Variants in ZBTB44 observed in about 807,000 individuals in gnomAD.
The protein encoded by ZBTB44 is zinc finger and BTB domain containing 44.
In ZBTB44, 15 loss-of-function variants were observed where a neutral mutation model predicts 54.0. The observed-to-expected ratio is 0.28, with a 90% confidence interval of 0.19 to 0.43. The LOEUF (loss-of-function observed/expected upper bound fraction) is 0.43. Ranked by LOEUF, ZBTB44 falls within the 20% of genes least tolerant of loss-of-function variation. ZBTB44 has a pLI of 1.00. For missense variants in ZBTB44, 487 were observed against 707.1 expected (o/e 0.69, Z 3.53); for synonymous variants, 230 against 250.1 (o/e 0.92, Z 0.76).
chr11:130,236,028 C>T, intron 5 of ZBTB44: 1 of 1,001,166 alleles, frequency 1.0e-6, no homozygotes, highest in South Asian at 2.6e-5. Flanking sequence ...AGGATTCCTA[C>T]AGAAGTACAA....
At chr11:130,245,148 T>C (rs953939331) in intron 2 of ZBTB44, among the ~76,000 whole-genome samples, 1 of 152,200 alleles carries the variant, frequency 6.6e-6, no homozygotes, top group Non-Finnish European at 1.5e-5. Flanking sequence ...ACCCCCATTC[T>C]TTCTGGTCTC....
chr11:130,293,628 A>AG (rs1401668984), intron 1 of ZBTB44, among the ~76,000 whole-genome samples: 1 of 151,106 alleles, frequency 6.6e-6, no homozygotes, highest in East Asian at 1.9e-4. Context: ...TAAAGAAAAA[A>AG]AAAAAAAAAA....
intron 1 of ZBTB44, among the ~76,000 whole-genome samples, chr11:130,291,174 C>T (rs2134361024): frequency 6.6e-6 from 1 of 152,140 alleles, no homozygotes; most frequent in Non-Finnish European, 1.5e-5. Context: ...TTCTGTTGCC[C>T]AGGCTGGAGT....
intron 2 of ZBTB44, among the ~76,000 whole-genome samples, chr11:130,249,502 G>A (rs1447064521): frequency 6.6e-6 from 1 of 152,240 alleles, no homozygotes; most frequent in Non-Finnish European, 1.5e-5. Context: ...CGTCTTGGCT[G>A]CTGGCAAGAT....
At chr11:130,289,509 A>G (rs1941178858) in intron 1 of ZBTB44, among the ~76,000 whole-genome samples, 1 of 151,876 alleles carries the variant, frequency 6.6e-6, no homozygotes, top group Non-Finnish European at 1.5e-5. Context: ...GATTTAGGTA[A>G]AAGACGGTGG....
Position 130,261,289 on chromosome 11 carries a change from A to G in ZBTB44, c.585T>C (p.Pro195=). 6.2e-7 allele frequency: 1 copy of G among 1,613,876 alleles called. No individual in the cohort carries two copies. The highest frequency in any genetic ancestry group is 8.5e-7 in the Non-Finnish European group (1 of 1,179,886). ...AGCTTGTTTGTGTGCCACACTTTACAGGACTTTCAGGAGACATAACAATGT... is the reference window on the plus strand; with the variant it reads ...AGCTTGTTTGTGTGCCACACTTTACGGGACTTTCAGGAGACATAACAATGT... ...KSYIVMSPES[P]VKCGTQTSSP... The change falls in exon 2 of 8, where the codon CCT becomes CCC. Residue 195 remains proline, a synonymous_variant. Transcript: ENST00000357899. The surrounding 1 kb of genome is among the most constrained non-coding windows in gnomAD (Gnocchi z 4.8).
chr11:130,265,518 T>C (rs1170982040), intron 1 of ZBTB44, among the ~76,000 whole-genome samples: 3 of 152,190 alleles, frequency 2.0e-5, no homozygotes, highest in Admixed American at 6.5e-5. Flanking sequence ...TGATTAAGTT[T>C]AGTGAGGAAG....
At position 130,231,643 on chromosome 11, in the gene ZBTB44, T is replaced by C. The variant is rs2136246924; in HGVS notation, c.*121A>G. ...CAATCTGCAAACCATTCTTACACGT[T>C]TCTCTTCTTTATTCTTCTTTCCTTC... On this transcript the variant is annotated 3_prime_UTR_variant, in exon 8 of 8. Transcript: ENST00000357899. 1 of 152,312 alleles carries C rather than the reference T, an allele frequency of 6.6e-6. No individual in the cohort carries two copies. The highest frequency in any genetic ancestry group is 1.9e-4 in the East Asian group (1 of 5,186). 9.4% of individuals were successfully genotyped at this position (152,312 alleles called of 1,614,324 possible).
intron 1 of ZBTB44, among the ~76,000 whole-genome samples, chr11:130,300,583 A>C (rs1941936132): frequency 6.6e-6 from 1 of 152,216 alleles, no homozygotes; most frequent in Admixed American, 6.5e-5. Flanking sequence ...AAACCTGTGA[A>C]AGAGATAGAT....
In ZBTB44 at chr11:130,264,245, TTGC is replaced by T. The variant is rs1389307929; in HGVS notation, c.-56-2319_-56-2317del. ...ATAATCAATGCTATAGAAACATTAG[TTGC>T]TGCTGCTACTAACATTGCTATCAAA... On this transcript the variant is annotated intron_variant, in intron 1 of 7. Coordinates refer to ENST00000357899, the MANE Select transcript of ZBTB44 (RefSeq NM_001301098.2). Among the ~76,000 whole-genome samples, 5 of 152,332 alleles carry T rather than the reference TTGC, an allele frequency of 3.3e-5. No homozygotes were observed. In the East Asian group the frequency reaches 9.6e-4, roughly 29 times the overall value.
At chr11:130,280,774 T>A (rs181839587) in intron 1 of ZBTB44, among the ~76,000 whole-genome samples, 2,495 of 152,360 alleles carry the variant, frequency 0.016, 22 homozygotes, top group Non-Finnish European at 0.023. Flanking sequence ...TTTGTATTTT[T>A]AAAAAATTAC....
At chr11:130,274,049 C>T (rs1939874700) in intron 1 of ZBTB44, among the ~76,000 whole-genome samples, 1 of 151,870 alleles carries the variant, frequency 6.6e-6, no homozygotes, top group Admixed American at 6.6e-5. Context: ...GAGCACACCA[C>T]TGCACTCCAA....
At chr11:130,297,962 G>A (rs1028851045) in intron 1 of ZBTB44, among the ~76,000 whole-genome samples, 1 of 152,096 alleles carries the variant, frequency 6.6e-6, no homozygotes, top group African/African-American at 2.4e-5. Context: ...AGACAGATAT[G>A]GAAGAACATA....
intron 1 of ZBTB44, among the ~76,000 whole-genome samples, chr11:130,268,222 T>TAAAAAAA (rs1189306993): frequency 3.4e-4 from 44 of 128,944 alleles, no homozygotes; most frequent in African/African-American, 1.1e-3. Flanking sequence ...ACGTCTAATT[T>TAAAAAAA]AAAAAAAAAA....
intron 1 of ZBTB44, among the ~76,000 whole-genome samples, chr11:130,283,037 T>A (rs1940651910): frequency 8.8e-6 from 1 of 114,244 alleles, no homozygotes; most frequent in Admixed American, 8.6e-5. Context: ...ATTCTAACCT[T>A]TTTTTTTTTT....
chr11:130,296,026 C>G, intron 1 of ZBTB44: 1 of 1,578,154 alleles, frequency 6.3e-7, no homozygotes, highest in East Asian at 2.2e-5. Context: ...GTATAAAAAC[C>G]TGCAGTGTCT....
intron 1 of ZBTB44, among the ~76,000 whole-genome samples, chr11:130,306,680 C>G (rs1942281943): frequency 6.6e-6 from 1 of 151,946 alleles, no homozygotes; most frequent in South Asian, 2.1e-4. Context: ...AAACAACGAG[C>G]AGATAAAGAA....
chr11:130,234,402 T>A, intron 5 of ZBTB44, 129 bp from the exon 6 acceptor site: 1 of 1,057,914 alleles, frequency 9.5e-7, no homozygotes, highest in Non-Finnish European at 1.3e-6. Flanking sequence ...CAGTGAAGAT[T>A]AAAACTCAGG....
rs1378885584 is a variant in ZBTB44 at position 130,314,800 on chromosome 11, G to T, written c.-482C>A. 7.5e-6 allele frequency: 1 copy of T among 133,130 alleles called. No homozygotes were observed. The highest frequency in any genetic ancestry group is 1.6e-5 in the Non-Finnish European group (1 of 61,622). The allele number at this position is 133,130 out of a possible 1,614,324, so 8.2% of individuals were successfully genotyped here. A position where few individuals can be genotyped will look rare whatever the true frequency, so the allele number is the denominator to read the frequency against. Reference sequence around the variant, plus strand: ...GGTGGGGAAGGGGAAGGGGACTGAGGGGAGGGGAGGGGGAGGTTGGGAGGG... The same window carrying T: ...GGTGGGGAAGGGGAAGGGGACTGAGTGGAGGGGAGGGGGAGGTTGGGAGGG... On this transcript the variant is annotated 5_prime_UTR_variant, in exon 1 of 8. Coordinates refer to ENST00000357899, the MANE Select transcript of ZBTB44 (RefSeq NM_001301098.2).
Sources: allele counts gnomAD v4.1 joint callset (sites outside exome capture counted in the v4.1 genomes callset), GRCh38; gene constraint gnomAD v4.1.1; non-coding constraint Gnocchi (gnomAD v3.1); transcripts MANE v1.5; gene names NCBI Gene and HGNC (gene_info 2026-07-23, HGNC 2026-07-21).